ZDHHC14: variants seen among roughly 807,000 people sequenced by gnomAD.
ZDHHC14 encodes the protein zDHHC palmitoyltransferase 14, also known as palmitoyltransferase ZDHHC14.
In ZDHHC14, 16 loss-of-function variants were observed where a neutral mutation model predicts 47.7. The ratio of observed to expected loss-of-function variants is 0.34; its 90% CI spans 0.23 to 0.51. The LOEUF (loss-of-function observed/expected upper bound fraction) is 0.51, where lower values mean the gene tolerates loss of function less well. ZDHHC14 is among the 20% of genes least tolerant of loss of function. ZDHHC14 has a pLI of 0.97. For synonymous variants in ZDHHC14, 293 were observed against 278.9 expected, an observed-to-expected ratio of 1.05 and a Z score of -0.50; for missense variants, 515 against 662.5, an observed-to-expected ratio of 0.78 and a Z score of 2.44.
At chr6:157,471,461 A>G (rs1342897020) in intron 1 of ZDHHC14, among the ~76,000 whole-genome samples, 1 of 152,198 alleles carries the variant, frequency 6.6e-6, no homozygotes, top group East Asian at 1.9e-4. Flanking sequence ...AGGAAAGGAA[A>G]TTTGCACTGC....
At chr6:157,382,786 T>G (rs2114726570) in intron 1 of ZDHHC14, among the ~76,000 whole-genome samples, 1 of 152,350 alleles carries the variant, frequency 6.6e-6, no homozygotes, top group South Asian at 2.1e-4. Context: ...ATTTCAGGTT[T>G]CAAAGTGTCG....
At chr6:157,501,961 C>T (rs1256912793) in intron 1 of ZDHHC14, among the ~76,000 whole-genome samples, 6 of 152,312 alleles carry the variant, frequency 3.9e-5, no homozygotes, top group South Asian at 4.1e-4. Context: ...CAGCCTTTGA[C>T]CACACATGGC....
At chr6:157,541,293 G>A (rs9331342) in intron 1 of ZDHHC14, among the ~76,000 whole-genome samples, 60,320 of 152,008 alleles carry the variant, frequency 0.4, 12,127 homozygotes, top group Admixed American at 0.45. Flanking sequence ...CTTGAAGGCT[G>A]GTGCACTAAT....
intron 3 of ZDHHC14, among the ~76,000 whole-genome samples, chr6:157,604,544 T>G (rs1000118327): frequency 1.5e-5 from 2 of 133,138 alleles, no homozygotes; most frequent in African/African-American, 6.0e-5. Context: ...AGTTGTGTAT[T>G]TGTTACTCTT....
intron 1 of ZDHHC14, among the ~76,000 whole-genome samples, chr6:157,515,587 C>T (rs1432939320): frequency 1.3e-5 from 2 of 151,896 alleles, no homozygotes; most frequent in Admixed American, 6.6e-5. Context: ...CCTCAGCTTC[C>T]GGAGTAGCTG....
intron 1 of ZDHHC14, among the ~76,000 whole-genome samples, chr6:157,519,424 A>G (rs1780833952): frequency 6.6e-6 from 1 of 150,830 alleles, no homozygotes; most frequent in Admixed American, 6.6e-5. Flanking sequence ...GCCTTCGCTT[A>G]GGCTGCTCGT....
intron 2 of ZDHHC14, among the ~76,000 whole-genome samples, chr6:157,556,021 C>T (rs763328918): frequency 1.3e-5 from 2 of 152,008 alleles, no homozygotes; most frequent in African/African-American, 2.4e-5. Context: ...CATGAATGGC[C>T]GGAGGAGGCG....
intron 1 of ZDHHC14, among the ~76,000 whole-genome samples, chr6:157,411,250 A>G (rs756487220): frequency 2.0e-5 from 3 of 152,202 alleles, no homozygotes; most frequent in Non-Finnish European, 4.4e-5. Context: ...AGGTTACTGT[A>G]TGGTGCCATT....
chr6:157,608,265 G>A (rs1011532441), intron 3 of ZDHHC14, among the ~76,000 whole-genome samples: 4 of 152,048 alleles, frequency 2.6e-5, no homozygotes, highest in Non-Finnish European at 4.4e-5. Flanking sequence ...ATCCACTGAC[G>A]GCCGATTATA....
rs967177160 is a variant in ZDHHC14, at chr6:157,674,884, C to T, written c.*1762C>T. The T allele has an allele frequency of 6.6e-6, 1 of 152,198 alleles. No individual in the cohort carries two copies. Among genetic ancestry groups the T allele is most frequent in the African/African-American group, 2.4e-5 (1 of 41,436 alleles). The allele number at this position is 152,198 out of a possible 1,614,324, so 9.4% of individuals were successfully genotyped here. On this transcript the variant is annotated 3_prime_UTR_variant, in exon 9 of 9. Coordinates refer to ENST00000359775, the MANE Select transcript of ZDHHC14 (RefSeq NM_024630.3). The stretch of plus-strand genomic sequence containing the variant: ...GTATAGAAAATGGAATAGGTCCATT[C>T]TATGTAGCCATTTTTGATTTTCTGA...
chr6:157,548,206 AT>A (rs756826953), intron 2 of ZDHHC14, among the ~76,000 whole-genome samples: 15 of 151,946 alleles, frequency 9.9e-5, no homozygotes, highest in Non-Finnish European at 1.8e-4. Flanking sequence ...TTTTCTGAAC[AT>A]TTCCCCCAAT....
At chr6:157,608,453 A>T (rs1246865968) in intron 3 of ZDHHC14, among the ~76,000 whole-genome samples, 9 of 152,102 alleles carry the variant, frequency 5.9e-5, no homozygotes. Context: ...TACGGGAAAG[A>T]TGCCCAACCT....
At chr6:157,625,791 G>A (rs908256905) in intron 3 of ZDHHC14, among the ~76,000 whole-genome samples, 3 of 151,830 alleles carry the variant, frequency 2.0e-5, no homozygotes, top group African/African-American at 7.3e-5. Flanking sequence ...TAGATTTTTA[G>A]TGGGATTCCT....
At chr6:157,599,293 T>G (rs935741167) in intron 3 of ZDHHC14, among the ~76,000 whole-genome samples, 1 of 152,196 alleles carries the variant, frequency 6.6e-6, no homozygotes, top group African/African-American at 2.4e-5. Flanking sequence ...GCACGGCCAG[T>G]TGCATCTGCA....
At chr6:157,391,276 A>C (rs1298477329) in intron 1 of ZDHHC14, among the ~76,000 whole-genome samples, 1 of 152,134 alleles carries the variant, frequency 6.6e-6, no homozygotes, top group African/African-American at 2.4e-5. Context: ...TCTTTGTGTC[A>C]GTCTTGCACC....
chr6:157,647,385 A>G lies in ZDHHC14; in HGVS notation c.965+17A>G. On this transcript the variant is annotated intron_variant, in intron 7 of 8. Coordinates refer to ENST00000359775, the MANE Select transcript of ZDHHC14 (RefSeq NM_024630.3). ...CTCACCAAGGTAAGACTCAGGACGC[A>G]TCGTGCTCTTCAACAGACCTTGGAA... is the stretch of plus-strand genomic sequence containing the variant. The G allele has an allele frequency of 5.6e-6, 9 of 1,595,476 alleles. No homozygotes were observed. The Admixed American group carries it at 1.2e-4, about 21-fold the overall frequency.
chr6:157,504,449 ATTTTTTTTTTTT>A (rs35677570), intron 1 of ZDHHC14, among the ~76,000 whole-genome samples: 1 of 96,498 alleles, frequency 1.0e-5, no homozygotes, highest in South Asian at 3.4e-4. Flanking sequence ...CACCCAGCCT[ATTTTTTTTTTTT>A]TTTTTTTTTA....
intron 1 of ZDHHC14, among the ~76,000 whole-genome samples, chr6:157,435,779 A>G (rs1008792778): frequency 1.4e-4 from 22 of 152,140 alleles, no homozygotes; most frequent in African/African-American, 5.1e-4. Flanking sequence ...GGCTCAAGCG[A>G]TCCTCCCACC....
At chr6:157,602,796 C>T (rs111391083) in intron 3 of ZDHHC14, among the ~76,000 whole-genome samples, 2,447 of 152,264 alleles carry the variant, frequency 0.016, 57 homozygotes, top group African/African-American at 0.055. Flanking sequence ...TGCTACGTAC[C>T]CAGGCTGGGT....
Sources: gnomAD v4.1 joint callset for allele counts (sites outside exome capture counted in the v4.1 genomes callset) on GRCh38, gnomAD v4.1.1 for gene constraint, MANE v1.5 for transcripts, NCBI Gene and HGNC (gene_info 2026-07-23, HGNC 2026-07-21) for gene names.